Variants in ADGRD1 observed in about 807,000 individuals in gnomAD.
ADGRD1 encodes the protein adhesion G protein-coupled receptor D1.
In ADGRD1, 77 loss-of-function variants were observed where a neutral mutation model predicts 113.4. The ratio of observed to expected loss-of-function variants is 0.68; its 90% CI spans 0.57 to 0.82. ADGRD1 has a LOEUF of 0.82. Among genes scored for constraint, ADGRD1 ranks in the 40% least tolerant of loss-of-function variants. ADGRD1 has a pLI of 0.00. For missense variants in ADGRD1, 1,036 were observed against 1,139.1 expected, an observed-to-expected ratio of 0.91 and a Z score of 1.30; for synonymous variants, 474 against 475.0, an observed-to-expected ratio of 1.00 and a Z score of 0.03.
At chr12:131,120,743 C>T in intron 19 of ADGRD1, 104 bp from the exon 20 acceptor site, 3 of 1,066,618 alleles carry the variant, frequency 2.8e-6, no homozygotes, top group South Asian at 2.5e-5. Context: ...CCCAGGTGGA[C>T]CCTGTAGCTG....
intron 13 of ADGRD1, among the ~76,000 whole-genome samples, chr12:131,044,380 C>A (rs1363612472): frequency 6.6e-6 from 1 of 152,146 alleles, no homozygotes; most frequent in African/African-American, 2.4e-5. Context: ...ACCCGTCCAC[C>A]CACGAGTTCC....
chr12:131,110,073 T>C (rs1180335708), intron 18 of ADGRD1, among the ~76,000 whole-genome samples: 1 of 152,254 alleles, frequency 6.6e-6, no homozygotes, highest in African/African-American at 2.4e-5. Flanking sequence ...CCTTTTACTT[T>C]CCACTTATTT....
At chr12:131,034,774 C>A (rs1341596962) in intron 13 of ADGRD1, among the ~76,000 whole-genome samples, 2 of 152,136 alleles carry the variant, frequency 1.3e-5, no homozygotes. Flanking sequence ...GGTGGCTCTA[C>A]CTGAGGCTCT....
intron 7 of ADGRD1, among the ~76,000 whole-genome samples, chr12:130,991,826 T>TA (rs1371452943): frequency 2.6e-5 from 4 of 150,962 alleles, no homozygotes; most frequent in African/African-American, 9.8e-5. Flanking sequence ...TCTCTATAAA[T>TA]AAAAAAAAGA....
chr12:130,997,493 G>A (rs576042518), intron 8 of ADGRD1, among the ~76,000 whole-genome samples: 129 of 151,162 alleles, frequency 8.5e-4, no homozygotes, highest in Middle Eastern at 3.4e-3. Flanking sequence ...CAGACGGGGC[G>A]GCTGGGCAGA....
At chr12:131,026,833 C>T (rs895963876) in intron 13 of ADGRD1, 3 of 152,166 alleles carry the variant, frequency 2.0e-5, no homozygotes, top group African/African-American at 7.2e-5. Context: ...GTGTTCACGG[C>T]TGGATGCTAC....
Position 131,140,022 on chromosome 12 carries a change from G to A in ADGRD1, c.*759G>A, listed in dbSNP as rs1951205413. ...TGCCTGATGGTGCCTGTGCTTGGGGGAGCTTCTCGGCCATCCGCTGTGAGT... is the reference window on the plus strand; with the variant it reads ...TGCCTGATGGTGCCTGTGCTTGGGGAAGCTTCTCGGCCATCCGCTGTGAGT... On this transcript the variant is annotated 3_prime_UTR_variant, in exon 25 of 25. Coordinates refer to ENST00000261654, the MANE Select transcript of ADGRD1 (RefSeq NM_198827.5). The A allele has an allele frequency of 6.6e-6, 1 of 152,544 alleles. No individual in the cohort carries two copies. The highest frequency in any genetic ancestry group is 1.5e-5 in the Non-Finnish European group (1 of 68,316). The allele number at this position is 152,544 out of a possible 1,614,324, so 9.4% of individuals were successfully genotyped here.
At position 131,108,882 on chromosome 12, in the gene ADGRD1, G is replaced by A. The variant is rs780329750; in HGVS notation, c.2041+5G>A. 6.3e-7 allele frequency: 1 copy of A among 1,585,956 alleles called. No individual in the cohort carries two copies. Among genetic ancestry groups the A allele is most frequent in the Non-Finnish European group, 8.6e-7 (1 of 1,157,684 alleles). ...ACTACTATGGGATGGGATGGGGTAG[G>A]TGGGGCAGGGCAGGTGGGATGGCGG... On this transcript the variant is annotated splice_donor_5th_base_variant and intron_variant, in intron 18 of 24. Transcript: ENST00000261654.
chr12:130,978,212 C>G (rs1872551300), intron 4 of ADGRD1: 1 of 152,178 alleles, frequency 6.6e-6, no homozygotes, highest in Admixed American at 6.5e-5. Flanking sequence ...AAATCTGTGA[C>G]AAATATTCTT....
At chr12:131,121,387 TTTGTTA>T (rs1950589952) in intron 20 of ADGRD1, among the ~76,000 whole-genome samples, 1 of 152,070 alleles carries the variant, frequency 6.6e-6, no homozygotes, top group Non-Finnish European at 1.5e-5. Flanking sequence ...TGTTGTTGTT[TTTGTTA>T]TTGTTTTTTT....
intron 2 of ADGRD1, among the ~76,000 whole-genome samples, chr12:130,959,403 C>A (rs1331254961): frequency 6.6e-6 from 1 of 152,102 alleles, no homozygotes; most frequent in African/African-American, 2.4e-5. Context: ...GAGACCCCAC[C>A]TTTATAAAAA....
chr12:131,123,543 T>C (rs1346020746), intron 20 of ADGRD1, among the ~76,000 whole-genome samples: 3 of 147,670 alleles, frequency 2.0e-5, no homozygotes, highest in African/African-American at 7.4e-5. Flanking sequence ...AGGTTCAGGC[T>C]GGGCGCGGTG....
At chr12:131,103,319 C>G (rs1950139405) in intron 15 of ADGRD1, among the ~76,000 whole-genome samples, 1 of 152,290 alleles carries the variant, frequency 6.6e-6, no homozygotes, top group South Asian at 2.1e-4. Context: ...GCCCTGCCTT[C>G]TGCAAGCACT....
At chr12:130,969,765 A>G (rs1871403240) in intron 3 of ADGRD1, 1 of 152,266 alleles carries the variant, frequency 6.6e-6, no homozygotes, top group Middle Eastern at 3.2e-3. Context: ...CTTCCATGAA[A>G]CCGGTCCCTG....
Position 131,140,147 on chromosome 12 carries a change from G to A in ADGRD1, c.*884G>A, listed in dbSNP as rs3741463. On this transcript the variant is annotated 3_prime_UTR_variant, in exon 25 of 25. Coordinates refer to ENST00000261654, the MANE Select transcript of ADGRD1 (RefSeq NM_198827.5). ...GGCCACAGGAGCTGGCCGTGTCCCC[G>A]CAGTGCCTGGTGTCCAGGTGGAAAG... 12,944 of 152,300 alleles carry A rather than the reference G, an allele frequency of 0.085. 526 individuals carry two copies. The highest frequency in any genetic ancestry group is 0.14 in the Middle Eastern group (42 of 294). The allele number at this position is 152,300 out of a possible 1,614,324, so 9.4% of individuals were successfully genotyped here. A position where few individuals can be genotyped will look rare whatever the true frequency, so the allele number is the denominator to read the frequency against.
chr12:131,136,859 G>A (rs1025887857), intron 22 of ADGRD1, 114 bp from the exon 23 acceptor site: 1 of 857,130 alleles, frequency 1.2e-6, no homozygotes, highest in African/African-American at 1.7e-5. Flanking sequence ...CATGGGACCT[G>A]GTGTCACAGT....
At chr12:131,129,582 G>A (rs1045105561) in intron 20 of ADGRD1, among the ~76,000 whole-genome samples, 29 of 152,140 alleles carry the variant, frequency 1.9e-4, no homozygotes, top group African/African-American at 6.8e-4. Context: ...GCCCCCGCCT[G>A]TGTCAGTGGG....
At chr12:131,122,732 G>A (rs1261700072) in intron 20 of ADGRD1, among the ~76,000 whole-genome samples, 1 of 152,186 alleles carries the variant, frequency 6.6e-6, no homozygotes, top group Non-Finnish European at 1.5e-5. Context: ...CAGGGCCTGG[G>A]CAGAACAGGC....
At chr12:131,114,563 G>C (rs907785000) in intron 18 of ADGRD1, among the ~76,000 whole-genome samples, 1 of 152,162 alleles carries the variant, frequency 6.6e-6, no homozygotes, top group Non-Finnish European at 1.5e-5. Context: ...TGAAGTCGGG[G>C]GGGTCTGCAG....
Sources: gnomAD v4.1 joint callset for allele counts (sites outside exome capture counted in the v4.1 genomes callset) on GRCh38, gnomAD v4.1.1 for gene constraint, MANE v1.5 for transcripts, NCBI Gene and HGNC (gene_info 2026-07-23, HGNC 2026-07-21) for gene names.